AKAP6: variants seen among roughly 807,000 people sequenced by gnomAD.
The protein encoded by AKAP6 is A-kinase anchoring protein 6, also known as A-kinase anchor protein 6.
Under a neutral mutation model 188.5 loss-of-function variants are expected in AKAP6, and 58 were observed. The ratio of observed to expected loss-of-function variants is 0.31; its 90% CI spans 0.25 to 0.38. The LOEUF (loss-of-function observed/expected upper bound fraction) is 0.38. Ranked by LOEUF, AKAP6 falls within the 10% of genes least tolerant of loss-of-function variation. The pLI, the probability that AKAP6 is intolerant of heterozygous loss-of-function variation, is 1.00. For synonymous variants in AKAP6, 989 were observed against 998.6 expected, an observed-to-expected ratio of 0.99 and a Z score of 0.18; for missense variants, 2,710 against 2,740.0, an observed-to-expected ratio of 0.99 and a Z score of 0.24.
chr14:32,349,271 T>G (rs1887178933), intron 1 of AKAP6, among the ~76,000 whole-genome samples: 1 of 152,208 alleles, frequency 6.6e-6, no homozygotes, highest in Non-Finnish European at 1.5e-5. Flanking sequence ...ATAGGAGTTT[T>G]TTTTCTTTTC....
At chr14:32,790,880 G>C (rs2033588157) in intron 12 of AKAP6, among the ~76,000 whole-genome samples, 1 of 152,122 alleles carries the variant, frequency 6.6e-6, no homozygotes, top group Non-Finnish European at 1.5e-5. Context: ...TTGGTTTCCT[G>C]TTCCTGTGTT....
chr14:32,393,446 G>A (rs916930143), intron 1 of AKAP6, among the ~76,000 whole-genome samples: 7 of 152,096 alleles, frequency 4.6e-5, no homozygotes, highest in Non-Finnish European at 7.4e-5. Flanking sequence ...ACAAATAAAT[G>A]CAGGGAATGA....
chr14:32,706,444 A>AAACATTT (rs904101505), intron 9 of AKAP6, among the ~76,000 whole-genome samples: 12 of 152,020 alleles, frequency 7.9e-5, no homozygotes, highest in African/African-American at 2.9e-4. Flanking sequence ...CTAAGGATGA[A>AAACATTT]AACATTTATG....
At chr14:32,522,928 A>C (rs1459212056) in intron 2 of AKAP6, among the ~76,000 whole-genome samples, 1 of 152,194 alleles carries the variant, frequency 6.6e-6, no homozygotes, top group African/African-American at 2.4e-5. Context: ...AACTAACCCA[A>C]ATGTCCATCA....
intron 9 of AKAP6, among the ~76,000 whole-genome samples, chr14:32,701,531 C>T (rs1012824567): frequency 6.6e-6 from 1 of 151,402 alleles, no homozygotes; most frequent in African/African-American, 2.4e-5. Context: ...AATTTCTAAC[C>T]ATAATAATTA....
intron 2 of AKAP6, among the ~76,000 whole-genome samples, chr14:32,530,312 C>T (rs1202331242): frequency 4.6e-5 from 7 of 152,128 alleles, no homozygotes; most frequent in Non-Finnish European, 2.9e-5. Flanking sequence ...CAGGCATGAG[C>T]CACCTCACCC....
At chr14:32,615,198 A>AAAAAAAAAAAAC in intron 7 of AKAP6, among the ~76,000 whole-genome samples, 1 of 148,942 alleles carries the variant, frequency 6.7e-6, no homozygotes, top group East Asian at 2.0e-4. Flanking sequence ...ATAAACAAGA[A>AAAAAAAAAAAAC]GAAAAGGTTC....
chr14:32,788,559 G>C (rs1285006468), intron 12 of AKAP6, among the ~76,000 whole-genome samples: 1 of 152,202 alleles, frequency 6.6e-6, no homozygotes, highest in East Asian at 1.9e-4. Context: ...GAGTGGCACG[G>C]AGCGAAAGGA....
intron 2 of AKAP6, among the ~76,000 whole-genome samples, chr14:32,440,911 T>C (rs926658197): frequency 6.6e-6 from 1 of 152,114 alleles, no homozygotes; most frequent in African/African-American, 2.4e-5. Context: ...TAATTGCCAA[T>C]GTGATAGTAT....
At chr14:32,392,727 G>A (rs1449415088) in intron 1 of AKAP6, among the ~76,000 whole-genome samples, 1 of 152,124 alleles carries the variant, frequency 6.6e-6, no homozygotes, top group Non-Finnish European at 1.5e-5. Context: ...AGTAGATATA[G>A]GAGCCCAGTT....
At chr14:32,510,408 A>ATGTG (rs1294924790) in intron 2 of AKAP6, among the ~76,000 whole-genome samples, 1 of 99,842 alleles carries the variant, frequency 1.0e-5, no homozygotes, top group African/African-American at 4.0e-5. Context: ...ATATATGTAT[A>ATGTG]TATATGTATA....
intron 2 of AKAP6, among the ~76,000 whole-genome samples, chr14:32,509,884 C>T (rs1309823210): frequency 1.3e-5 from 2 of 152,106 alleles, no homozygotes; most frequent in Non-Finnish European, 2.9e-5. Flanking sequence ...TTACGTTTGC[C>T]GTATGTTACT....
At chr14:32,632,321 G>A (rs946488358) in intron 7 of AKAP6, among the ~76,000 whole-genome samples, 3 of 151,924 alleles carry the variant, frequency 2.0e-5, no homozygotes, top group Admixed American at 6.6e-5. Flanking sequence ...AATTCATTTA[G>A]CCTTTGTCTA....
At chr14:32,688,553 C>T (rs899120043) in intron 8 of AKAP6, among the ~76,000 whole-genome samples, 1 of 152,090 alleles carries the variant, frequency 6.6e-6, no homozygotes, top group African/African-American at 2.4e-5. Context: ...TTTTATCTAT[C>T]AGAGAATTCA....
chr14:32,546,962 A>G lies in AKAP6; in HGVS notation c.2309A>G (p.His770Arg), dbSNP rs763645699. 5 of 1,606,876 alleles carry G rather than the reference A, an allele frequency of 3.1e-6. No homozygotes were observed. The South Asian group carries it at 4.4e-5, about 14-fold the overall frequency. ...LIQKLMQDIQ[H>R]QDNYEAIWEK... The stretch of plus-strand genomic sequence containing the variant: ...CAGAAACTGATGCAAGATATTCAGC[A>G]CCAAGACAACTATGAAGCCATATGG... Residue 770 changes from histidine to arginine, a missense_variant, in exon 4 of 14, where the codon CAC becomes CGC. Transcript: ENST00000280979.
chr14:32,801,615 C>T (rs2033951155), intron 12 of AKAP6, among the ~76,000 whole-genome samples: 1 of 152,124 alleles, frequency 6.6e-6, no homozygotes, highest in Non-Finnish European at 1.5e-5. Context: ...TTCTTTATGT[C>T]AATCCAGGTT....
chr14:32,366,115 TC>T lies in AKAP6; in HGVS notation c.-35+36713del, dbSNP rs371476009. Among the ~76,000 whole-genome samples the T allele has an allele frequency of 1.4e-3, 211 of 151,646 alleles. 1 individual carries two copies. Among genetic ancestry groups the T allele is most frequent in the African/African-American group, 4.9e-3 (202 of 41,330 alleles). On this transcript the variant is annotated intron_variant, in intron 1 of 13. Transcript: ENST00000280979. ...AAACAGCAATCCATTGTCCCTACCC[TC>T]CCCCCACTACCATTTCCTCTCTTTC...
intron 1 of AKAP6, among the ~76,000 whole-genome samples, chr14:32,423,427 C>T (rs1416718231): frequency 6.6e-6 from 1 of 152,136 alleles, no homozygotes; most frequent in African/African-American, 2.4e-5. Flanking sequence ...TGATCCCCCA[C>T]CTTCATCTCC....
intron 2 of AKAP6, among the ~76,000 whole-genome samples, chr14:32,452,633 G>A (rs185471622): frequency 6.6e-6 from 1 of 152,048 alleles, no homozygotes; most frequent in Admixed American, 6.6e-5. Context: ...AAAATAGGGA[G>A]ACCCTGTTTC....
Sources: allele counts gnomAD v4.1 joint callset (sites outside exome capture counted in the v4.1 genomes callset), GRCh38; gene constraint gnomAD v4.1.1; transcripts MANE v1.5; gene names NCBI Gene and HGNC (gene_info 2026-07-23, HGNC 2026-07-21).